The following NPHP4 variants were observed in gnomAD, a reference collection of about 807,000 sequenced individuals.
NPHP4 encodes the protein nephrocystin 4.
NPHP4 carries 151 observed loss-of-function variants against 155.8 expected under a neutral mutation model. The observed-to-expected ratio is 0.97, with a 90% CI of 0.85 to 1.11. NPHP4 has a LOEUF of 1.11. Ranked by LOEUF, NPHP4 falls within the 50% of genes least tolerant of loss-of-function variation. The pLI is 0.00. For synonymous variants in NPHP4, 845 were observed against 816.8 expected (o/e 1.03, Z -0.59); for missense variants, 1,956 against 1,925.7 (o/e 1.02, Z -0.29).
rs114271135 is a variant in NPHP4 at position 5,937,012 on chromosome 1, G to A, written c.1120-3683C>T. Reference sequence around the variant, plus strand: ...GAAGAGGCCACATGACGAGGGGGCGGAGAACGGAGTGATATGGCCACAGGC... The same window carrying A: ...GAAGAGGCCACATGACGAGGGGGCGAAGAACGGAGTGATATGGCCACAGGC... On this transcript the variant is annotated intron_variant, in intron 9 of 29. Coordinates refer to ENST00000378156, the MANE Select transcript of NPHP4 (RefSeq NM_015102.5). 7.3e-3 allele frequency among the ~76,000 whole-genome samples: 1,119 copies of A among 152,350 alleles called. 12 individuals carry two copies. The highest frequency in any genetic ancestry group is 0.024 in the African/African-American group (1,012 of 41,574).
At chr1:5,913,252 C>A (rs567341994) in intron 11 of NPHP4, among the ~76,000 whole-genome samples, 82 of 152,088 alleles carry the variant, frequency 5.4e-4, no homozygotes, top group African/African-American at 1.8e-3. Context: ...CCAGCACACA[C>A]CTCTGGCCCA....
chr1:5,864,126 G>A (rs887545813), intron 28 of NPHP4, 93 bp from the exon 29 acceptor site: 23 of 1,427,824 alleles, frequency 1.6e-5, no homozygotes, highest in South Asian at 8.7e-5. Flanking sequence ...CCTGTGCACC[G>A]TGCACGGGGA....
rs1291252606 is a variant in NPHP4 at position 5,907,132 on chromosome 1, C to A, written c.1594G>T (p.Ala532Ser). ...PTSQLPHGSQASPAQAQEFPL... is the reference protein window; with the variant it reads ...PTSQLPHGSQSSPAQAQEFPL... ...GCACTTACTGCCTGGGCCGGGGAGGCCTGAGAGCCATGGGGTAGCTGTGAA... is the reference window on the plus strand; with the variant it reads ...GCACTTACTGCCTGGGCCGGGGAGGACTGAGAGCCATGGGGTAGCTGTGAA... Residue 532 changes from alanine to serine, a missense_variant, in exon 13 of 30, where the codon GCC (alanine) becomes TCC (serine). Transcript: ENST00000378156. 1.9e-6 allele frequency: 3 copies of A among 1,554,292 alleles called. No individual in the cohort carries two copies. Among genetic ancestry groups the A allele is most frequent in the East Asian group, 2.4e-5 (1 of 41,724 alleles).
At chr1:5,888,593 G>C (rs1257959890) in intron 17 of NPHP4, 1 of 1,350,966 alleles carries the variant, frequency 7.4e-7, no homozygotes. Context: ...GGGAGACTGA[G>C]AAGATATGAG....
intron 6 of NPHP4, among the ~76,000 whole-genome samples, chr1:5,959,063 T>C (rs1255314102): frequency 1.3e-5 from 2 of 151,354 alleles, no homozygotes; most frequent in Non-Finnish European, 2.9e-5. Context: ...GCGGCAGGTG[T>C]TGCTGAGATA....
intron 3 of NPHP4, among the ~76,000 whole-genome samples, chr1:5,977,850 AAAGG>A (rs1420035756): frequency 4.0e-4 from 1 of 2,494 alleles, no homozygotes; most frequent in East Asian, 8.9e-3. Context: ...GGGAGGGAAG[AAAGG>A]AAGGAAGGGG....
At chr1:5,937,231 A>G (rs1241469784) in intron 9 of NPHP4, among the ~76,000 whole-genome samples, 3 of 151,846 alleles carry the variant, frequency 2.0e-5, no homozygotes, top group Admixed American at 6.6e-5. Flanking sequence ...GGGCCCCACC[A>G]CACCTGGGGT....
intron 23 of NPHP4, among the ~76,000 whole-genome samples, chr1:5,872,880 G>A (rs551254781): frequency 3.3e-5 from 5 of 152,174 alleles, no homozygotes; most frequent in South Asian, 2.1e-4. Flanking sequence ...CAAGGACTAC[G>A]TCTTATTTCC....
chr1:5,911,079 C>A (rs1429282906), intron 11 of NPHP4, among the ~76,000 whole-genome samples: 2 of 152,236 alleles, frequency 1.3e-5, no homozygotes, highest in East Asian at 3.8e-4. Context: ...AATGAGCTCA[C>A]GTGCTCGGAG....
intron 5 of NPHP4, among the ~76,000 whole-genome samples, chr1:5,964,460 C>A (rs1269523947): frequency 6.6e-6 from 1 of 152,164 alleles, no homozygotes; most frequent in Admixed American, 6.5e-5. Flanking sequence ...GCCTTTAGAC[C>A]ATTAGCATAT....
intron 9 of NPHP4, among the ~76,000 whole-genome samples, chr1:5,936,164 C>A (rs1240327092): frequency 6.6e-6 from 1 of 152,218 alleles, no homozygotes; most frequent in African/African-American, 2.4e-5. Flanking sequence ...CTGTCAGTTA[C>A]ATAAACATGC....
intron 11 of NPHP4, among the ~76,000 whole-genome samples, chr1:5,911,922 A>C (rs989070185): frequency 6.6e-6 from 1 of 152,132 alleles, no homozygotes; most frequent in Non-Finnish European, 1.5e-5. Context: ...TCTTCCAAAA[A>C]CCACGGTGGA....
intron 26 of NPHP4, chr1:5,865,954 G>A (rs992229160): frequency 4.5e-5 from 10 of 220,566 alleles, no homozygotes; most frequent in Admixed American, 1.0e-4. Flanking sequence ...GAAAGGGGCC[G>A]GGTCATTTAG....
intron 9 of NPHP4, among the ~76,000 whole-genome samples, chr1:5,936,975 G>A (rs965746552): frequency 3.9e-5 from 6 of 152,206 alleles, no homozygotes; most frequent in Admixed American, 1.3e-4. Context: ...CAGACACAGA[G>A]GGAGACACAG....
intron 6 of NPHP4, among the ~76,000 whole-genome samples, chr1:5,957,640 G>C (rs12128583): frequency 0.011 from 679 of 63,782 alleles, no homozygotes; most frequent in African/African-American, 0.052. Flanking sequence ...ATTTAATTCA[G>C]CAGAATGCAC....
chr1:5,874,900 A>G lies in NPHP4; in HGVS notation c.3018T>C (p.Thr1006=), dbSNP rs1428988743. The G allele has an allele frequency of 6.2e-7, 1 of 1,613,812 alleles. No individual in the cohort carries two copies. Residue 1006 remains threonine, a synonymous_variant, in exon 21 of 30, where the codon ACT becomes ACC. Coordinates refer to ENST00000378156, the MANE Select transcript of NPHP4 (RefSeq NM_015102.5). ...TGAGCTCGGGGTTGTCGATCTCCAC[A>G]GTCACCGTGTGCTGTGTGTTGTGGG... ...KNPHNTQHTV[T]VEIDNPELSV... is the part of the protein sequence containing the mutation.
rs183401887 is a variant in NPHP4, at chr1:5,912,888, G to C, written c.1442-3675C>G. ...CTCCCTCACTGGGAGGGGAATCAGC[G>C]TCTGGCTGAGCCACCACAGGACCCT... On this transcript the variant is annotated intron_variant, in intron 11 of 29. Coordinates refer to ENST00000378156, the MANE Select transcript of NPHP4 (RefSeq NM_015102.5). Among the ~76,000 whole-genome samples the C allele has an allele frequency of 4.8e-3, 728 of 152,256 alleles. 3 individuals are homozygous for C. The highest frequency in any genetic ancestry group is 6.3e-3 in the Non-Finnish European group (426 of 68,006).
In NPHP4 at chr1:5,872,024, AG is replaced by A. The variant is rs543471763; in HGVS notation, c.3315+1227del. 2.0e-5 allele frequency among the ~76,000 whole-genome samples: 3 copies of A among 152,358 alleles called. No homozygotes were observed. In the South Asian group the frequency reaches 6.2e-4, roughly 32 times the overall value. ...ACGTAAAGATTATTTTAAGGTGAAA[AG>A]AAATCTTACCTGAACTTTCCTTATC... is the stretch of plus-strand genomic sequence containing the variant. On this transcript the variant is annotated intron_variant, in intron 23 of 29. Transcript: ENST00000378156.
At chr1:5,961,610 G>A (rs1467074579) in intron 6 of NPHP4, among the ~76,000 whole-genome samples, 184 bp downstream of exon 6, 3 of 152,266 alleles carry the variant, frequency 2.0e-5, no homozygotes, top group East Asian at 1.9e-4. Context: ...GGAGGGAAAC[G>A]GAAACTAGAC....
Sources: allele counts gnomAD v4.1 joint callset (sites outside exome capture counted in the v4.1 genomes callset), GRCh38; gene constraint gnomAD v4.1.1; transcripts MANE v1.5; gene names NCBI Gene and HGNC (gene_info 2026-07-23, HGNC 2026-07-21).